SEL1L3: variants seen among roughly 807,000 people sequenced by gnomAD.
The protein encoded by SEL1L3 is protein sel-1 homolog 3.
A neutral mutation model predicts 142.8 loss-of-function variants in SEL1L3; 76 were observed. That is an observed-to-expected ratio of 0.53 (90% CI 0.44 to 0.64). SEL1L3 has a LOEUF of 0.64. Among genes scored for constraint, SEL1L3 ranks in the 30% least tolerant of loss-of-function variants. SEL1L3 has a pLI of 0.00. For missense variants in SEL1L3, 1,262 were observed against 1,381.7 expected, an observed-to-expected ratio of 0.91 and a Z score of 1.37; for synonymous variants, 504 against 519.6, an observed-to-expected ratio of 0.97 and a Z score of 0.41.
At chr4:25,808,874 C>A (rs1713804473) in intron 9 of SEL1L3, among the ~76,000 whole-genome samples, 1 of 152,274 alleles carries the variant, frequency 6.6e-6, no homozygotes, top group African/African-American at 2.4e-5. Context: ...TCGAGAACAC[C>A]CTGGCTAACA....
the SEL1L3 span, among the ~76,000 whole-genome samples, chr4:25,722,624 C>CTTTTTTTTTTT: frequency 0.026 from 2,693 of 103,228 alleles, 121 homozygotes; most frequent in Middle Eastern, 0.039. Flanking sequence ...CCAAAGGAGG[C>CTTTTTTTTTTT]TTTTTTTTTT....
intron 2 of SEL1L3, among the ~76,000 whole-genome samples, chr4:25,846,912 CAAAAA>C (rs71184268): frequency 4.2e-5 from 3 of 71,822 alleles, no homozygotes; most frequent in African/African-American, 1.2e-4. Context: ...GACTCCATCT[CAAAAA>C]AAAAAAAAAA....
chr4:25,782,029 G>A (rs1720034797), intron 15 of SEL1L3, among the ~76,000 whole-genome samples: 2 of 152,200 alleles, frequency 1.3e-5, no homozygotes, highest in Non-Finnish European at 2.9e-5. Context: ...CCCAGCTCCA[G>A]AGCTTTGGGT....
intron 2 of SEL1L3, among the ~76,000 whole-genome samples, chr4:25,838,605 C>T (rs1402832021): frequency 1.5e-4 from 23 of 152,172 alleles, no homozygotes; most frequent in Admixed American, 1.5e-3. Context: ...TGAAATATTT[C>T]TATTTTGGTT....
At chr4:25,780,948 C>G (rs1412959179) in intron 15 of SEL1L3, among the ~76,000 whole-genome samples, 6 of 151,488 alleles carry the variant, frequency 4.0e-5, no homozygotes, top group African/African-American at 1.5e-4. Flanking sequence ...GCCTCAGCCT[C>G]TCGAGTGCCT....
At chr4:25,722,566 T>A in the SEL1L3 span, among the ~76,000 whole-genome samples, 1 of 151,682 alleles carries the variant, frequency 6.6e-6, no homozygotes, top group South Asian at 2.1e-4. Context: ...AAGGTAAGAC[T>A]TTTACTGACA....
intron 20 of SEL1L3, among the ~76,000 whole-genome samples, chr4:25,762,765 GT>G (rs1037229587): frequency 6.6e-6 from 1 of 152,052 alleles, no homozygotes; most frequent in African/African-American, 2.4e-5. Context: ...GGATCACGAG[GT>G]CAAGAGATGA....
chr4:25,843,645 A>G (rs1257758865), intron 2 of SEL1L3, among the ~76,000 whole-genome samples: 2 of 152,214 alleles, frequency 1.3e-5, no homozygotes, highest in East Asian at 3.9e-4. Context: ...CAGTCTGCCT[A>G]TGGCTACATA....
chr4:25,785,135 C>T (rs1711696533), intron 13 of SEL1L3, among the ~76,000 whole-genome samples: 1 of 152,206 alleles, frequency 6.6e-6, no homozygotes, highest in Non-Finnish European at 1.5e-5. Flanking sequence ...TCCTCCTGGA[C>T]TCAGACAACA....
the SEL1L3 span, among the ~76,000 whole-genome samples, chr4:25,739,367 C>G: frequency 1.2e-4 from 19 of 152,112 alleles, no homozygotes; most frequent in African/African-American, 4.3e-4. Flanking sequence ...CAACAATGAA[C>G]TATCTGGTCC....
Position 25,819,909 on chromosome 4 carries a change from G to C in SEL1L3, c.1322C>G (p.Ala441Gly), listed in dbSNP as rs1440396368. The change falls in exon 8 of 24, where the codon GCT (alanine) becomes GGT (glycine). Residue 441 changes from alanine (A) to glycine (G), a missense_variant. By Grantham distance (60) the Ala-to-Gly change is moderately conservative (BLOSUM62 0). This residue lies in a region of SEL1L3 where 689 missense variants were observed against 692.8 expected (regional missense o/e 0.99). Transcript: ENST00000399878. ...TTCATAATATAACTTGATTTGTTCA[G>C]CAAGTTGCTTCTCAAGGAGGGGATT... ...IFNPLLEKQL[A>G]EQIKLYYERC... is the part of the protein sequence containing the mutation. 3 of 1,611,792 alleles carry C rather than the reference G, an allele frequency of 1.9e-6. No homozygotes were observed. In the Admixed American group the frequency reaches 5.0e-5, roughly 27 times the overall value.
chr4:25,840,690 A>T (rs1206642429), intron 2 of SEL1L3, among the ~76,000 whole-genome samples: 1 of 152,228 alleles, frequency 6.6e-6, no homozygotes, highest in Admixed American at 6.5e-5. Flanking sequence ...TGAATTGCCC[A>T]TGTCACACCT....
rs549341372 is a variant in SEL1L3, at chr4:25,782,096, A to T, written c.2457+146T>A. ...TAGATGCCACCCTTTCCTCTTCACTATCTTGTTTTCCTACGAGACCCTCTG... is the reference window on the plus strand; with the variant it reads ...TAGATGCCACCCTTTCCTCTTCACTTTCTTGTTTTCCTACGAGACCCTCTG... On this transcript the variant is annotated intron_variant, in intron 15 of 23. Coordinates refer to ENST00000399878, the MANE Select transcript of SEL1L3 (RefSeq NM_015187.5). The T allele has an allele frequency of 3.4e-4, 232 of 680,414 alleles. No individual in the cohort carries two copies. In the Admixed American group the frequency reaches 6.0e-3, roughly 17 times the overall value. 42.1% of individuals were successfully genotyped at this position (680,414 alleles called of 1,614,324 possible).
At chr4:25,750,234 C>CAAA (rs10718046) in intron 23 of SEL1L3, among the ~76,000 whole-genome samples, 67 of 104,856 alleles carry the variant, frequency 6.4e-4, no homozygotes, top group East Asian at 1.1e-3. Flanking sequence ...GACTCCATCT[C>CAAA]AAAAAAAAAA....
the SEL1L3 span, among the ~76,000 whole-genome samples, chr4:25,730,889 C>T: frequency 7.9e-5 from 12 of 152,204 alleles, no homozygotes; most frequent in Admixed American, 2.0e-4. Flanking sequence ...ATTAGCCAGG[C>T]GTGGTGGTGC....
Position 25,804,620 on chromosome 4 carries a change from C to A in SEL1L3, c.1697G>T (p.Cys566Phe). The A allele has an allele frequency of 6.2e-7, 1 of 1,613,936 alleles. No individual in the cohort carries two copies. Among genetic ancestry groups the A allele is most frequent in the East Asian group, 2.2e-5 (1 of 44,890 alleles). Residue 566 changes from cysteine to phenylalanine, a missense_variant, in exon 10 of 24, where the codon TGC becomes TTC. By Grantham distance (205) the Cys-to-Phe change is radical (BLOSUM62 -2). Coordinates refer to ENST00000399878, the MANE Select transcript of SEL1L3 (RefSeq NM_015187.5). ...SIVPFLTDSSCCGYHKASYYL... is the reference protein window; with the variant it reads ...SIVPFLTDSSFCGYHKASYYL... ...GTAGGATGCTTTATGGTATCCACAGCAGCTGGAATCCGTCAGAAAGGGGAC... is the reference window on the plus strand; with the variant it reads ...GTAGGATGCTTTATGGTATCCACAGAAGCTGGAATCCGTCAGAAAGGGGAC...
intron 17 of SEL1L3, among the ~76,000 whole-genome samples, chr4:25,773,109 C>A (rs894410747): frequency 6.6e-6 from 1 of 152,018 alleles, no homozygotes; most frequent in African/African-American, 2.4e-5. Flanking sequence ...ATGTGTGAAT[C>A]TTAGGAGCAT....
At position 25,818,171 on chromosome 4, in the gene SEL1L3, A is replaced by G. The variant is rs200610734; in HGVS notation, c.1531T>C (p.Phe511Leu). ...KELKDKHPSL[F>L]QALLEMDLLT... ...AGATCCATCTCCAGCAATGCCTGGAACAAGCTGGGGTGTTTGTCTTTCAGC... is the reference window on the plus strand; with the variant it reads ...AGATCCATCTCCAGCAATGCCTGGAGCAAGCTGGGGTGTTTGTCTTTCAGC... The change falls in exon 9 of 24, where the codon TTC becomes CTC. Residue 511 changes from phenylalanine (F) to leucine (L), a missense_variant. Transcript: ENST00000399878. 73 of 1,611,388 alleles carry G rather than the reference A, an allele frequency of 4.5e-5. No homozygotes were observed. In the African/African-American group the frequency reaches 8.9e-4, roughly 20 times the overall value.
At chr4:25,835,152 A>T in intron 3 of SEL1L3, 45 bp downstream of exon 3, 1 of 1,607,296 alleles carries the variant, frequency 6.2e-7, no homozygotes, top group Non-Finnish European at 8.5e-7. Flanking sequence ...TCCTCAAATA[A>T]AACAAGCACC....
Sources: allele counts gnomAD v4.1 joint callset (sites outside exome capture counted in the v4.1 genomes callset), GRCh38; gene constraint gnomAD v4.1.1; regional missense constraint gnomAD v4.1.1; transcripts MANE v1.5; gene names NCBI Gene and HGNC (gene_info 2026-07-23, HGNC 2026-07-21).